GSG1L2: variants seen among roughly 807,000 people sequenced by gnomAD.
The protein encoded by GSG1L2 is GSG1 like 2.
GSG1L2 carries 15 observed loss-of-function variants against 9.0 expected under a neutral mutation model. The ratio of observed to expected loss-of-function variants is 1.67; its 90% confidence interval spans 1.12 to 2.57. The LOEUF (loss-of-function observed/expected upper bound fraction) is 2.57. GSG1L2 is among the 30% of genes most tolerant of loss of function. GSG1L2 has a pLI of 0.00. For synonymous variants in GSG1L2, 127 were observed against 57.9 expected, an observed-to-expected ratio of 2.19 and a Z score of -5.41; for missense variants, 286 against 150.3, an observed-to-expected ratio of 1.90 and a Z score of -4.72.
chr17:9,817,261 C>T (rs1214698970), intron 1 of GSG1L2, among the ~76,000 whole-genome samples: 1 of 152,180 alleles, frequency 6.6e-6, no homozygotes, highest in Admixed American at 6.5e-5. Context: ...ACACTTTCCT[C>T]AAGCCCAGCC....
intron 1 of GSG1L2, among the ~76,000 whole-genome samples, chr17:9,812,083 A>T (rs6503253): frequency 0.62 from 93,898 of 152,012 alleles, 29,394 homozygotes; most frequent in Middle Eastern, 0.76. Flanking sequence ...CACAGTTCAT[A>T]CGCATTTAAA....
chr17:9,808,615 TTCTA>T (rs1335657893), intron 3 of GSG1L2, among the ~76,000 whole-genome samples: 1 of 152,266 alleles, frequency 6.6e-6, no homozygotes, highest in Non-Finnish European at 1.5e-5. Flanking sequence ...AAATTTCACT[TTCTA>T]TCTGTGCCTA....
chr17:9,803,579 C>T (rs9303245), intron 4 of GSG1L2, among the ~76,000 whole-genome samples: 80,430 of 151,584 alleles, frequency 0.53, 21,842 homozygotes, highest in African/African-American at 0.65. Flanking sequence ...AAGAGAAGGG[C>T]TGTGTGGTGG....
At chr17:9,816,589 CGTGTCTGTGTGTCTGTGT>C (rs957200246) in intron 1 of GSG1L2, among the ~76,000 whole-genome samples, 9 of 68,984 alleles carry the variant, frequency 1.3e-4, no homozygotes, top group Non-Finnish European at 1.8e-4. Context: ...TGTGCACGTG[CGTGTCTGTGTGTCTGTGT>C]GTGTCTGTGT....
At position 9,801,669 on chromosome 17, in the gene GSG1L2, G is replaced by A. The variant is rs1220372179; in HGVS notation, c.*717C>T. Among the ~76,000 whole-genome samples the A allele has an allele frequency of 6.6e-6, 1 of 152,160 alleles. No homozygotes were observed. Among genetic ancestry groups the A allele is most frequent in the Non-Finnish European group, 1.5e-5 (1 of 68,038 alleles). On this transcript the variant is annotated 3_prime_UTR_variant, in exon 5 of 5. Transcript: ENST00000399363. ...TGCCTCCAACAAGACCTGCATGTTT[G>A]GTAATGTTTATTTTTAGAAGCAAAA...
chr17:9,809,080 G>T (rs1263673359), intron 2 of GSG1L2, 98 bp from the exon 3 acceptor site: 1 of 648,346 alleles, frequency 1.5e-6, no homozygotes, highest in African/African-American at 1.8e-5. Context: ...AACAAAACAT[G>T]AAAAACAGAC....
chr17:9,816,110 G>T (rs2066558383), intron 1 of GSG1L2, among the ~76,000 whole-genome samples: 1 of 152,158 alleles, frequency 6.6e-6, no homozygotes, highest in African/African-American at 2.4e-5. Context: ...CTCGACCGTG[G>T]ATTTCCCAGC....
At chr17:9,813,385 C>T (rs151326631) in intron 1 of GSG1L2, among the ~76,000 whole-genome samples, 1 of 152,182 alleles carries the variant, frequency 6.6e-6, no homozygotes, top group African/African-American at 2.4e-5. Context: ...ACATGACTGT[C>T]CATCTCAGAG....
chr17:9,806,179 T>A (rs747252815), intron 4 of GSG1L2, among the ~76,000 whole-genome samples: 18 of 152,190 alleles, frequency 1.2e-4, no homozygotes, highest in Non-Finnish European at 2.6e-4. Context: ...CCATTGCCAA[T>A]CACCTTTCCT....
chr17:9,818,919 GCT>G (rs1396662672), intron 1 of GSG1L2, among the ~76,000 whole-genome samples: 4 of 152,042 alleles, frequency 2.6e-5, no homozygotes, highest in African/African-American at 7.2e-5. Flanking sequence ...CTGGATCCTT[GCT>G]CTCAGCACTG....
At chr17:9,818,501 ATTTTTTT>A (rs377057350) in intron 1 of GSG1L2, among the ~76,000 whole-genome samples, 1,943 of 82,804 alleles carry the variant, frequency 0.023, 53 homozygotes, top group East Asian at 0.23. Context: ...ACACAGCTAA[ATTTTTTT>A]TTTTTTTTTT....
intron 1 of GSG1L2, among the ~76,000 whole-genome samples, chr17:9,814,225 C>T (rs566974058): frequency 1.3e-5 from 2 of 152,348 alleles, no homozygotes; most frequent in South Asian, 2.1e-4. Flanking sequence ...TGAGACACCG[C>T]GCCTGGCCTT....
At position 9,814,252 on chromosome 17, in the gene GSG1L2, T is replaced by C. The variant is rs139954093; in HGVS notation, c.311-3634A>G. ...CCTGGCCTTTCCACTGTTTTGAGTG[T>C]TGAGTTATTAATAAAGACAAGTACA... On this transcript the variant is annotated intron_variant, in intron 1 of 4. Coordinates refer to ENST00000399363, the MANE Select transcript of GSG1L2 (RefSeq NM_001310219.2). 5.3e-4 allele frequency among the ~76,000 whole-genome samples: 81 copies of C among 152,262 alleles called. 1 individual carries two copies. The highest frequency in any genetic ancestry group is 8.8e-4 in the Non-Finnish European group (60 of 68,008).
chr17:9,805,073 AT>A (rs1425816285), intron 4 of GSG1L2: 1 of 152,170 alleles, frequency 6.6e-6, no homozygotes, highest in Admixed American at 6.5e-5. Context: ...AGAAAATATA[AT>A]AAAAAGAGAA....
chr17:9,809,910 G>A (rs2066532880), intron 2 of GSG1L2: 1 of 152,466 alleles, frequency 6.6e-6, no homozygotes, highest in African/African-American at 2.4e-5. Flanking sequence ...GGAGAGTCCT[G>A]TCTGCAGGTA....
rs1449430398 is a variant in GSG1L2, at chr17:9,808,812, G to A, written c.511+18C>T. ...TCCCTCTGGGGCAGCCTGTTCCAAGGATGCTGTTGGAAAGTACCTGCCAGC... is the reference window on the plus strand; with the variant it reads ...TCCCTCTGGGGCAGCCTGTTCCAAGAATGCTGTTGGAAAGTACCTGCCAGC... On this transcript the variant is annotated intron_variant, in intron 3 of 4. Transcript: ENST00000399363. 2.8e-6 allele frequency: 2 copies of A among 702,544 alleles called. No individual in the cohort carries two copies. The highest frequency in any genetic ancestry group is 2.7e-5 in the East Asian group (1 of 37,268). 43.5% of individuals were successfully genotyped at this position (702,544 alleles called of 1,614,324 possible).
At chr17:9,809,708 A>G (rs556567358) in intron 2 of GSG1L2, 54 of 151,060 alleles carry the variant, frequency 3.6e-4, no homozygotes, top group African/African-American at 1.3e-3. Context: ...CCTCTTTAAG[A>G]CAGAAAAGTT....
intron 4 of GSG1L2, among the ~76,000 whole-genome samples, chr17:9,803,198 G>A (rs2066504255): frequency 6.7e-6 from 1 of 149,812 alleles, no homozygotes; most frequent in East Asian, 2.0e-4. Flanking sequence ...CTGCCTCCCG[G>A]TTCAAGCAAT....
intron 4 of GSG1L2, among the ~76,000 whole-genome samples, chr17:9,806,327 C>A (rs1346753170): frequency 6.6e-6 from 1 of 152,138 alleles, no homozygotes; most frequent in Non-Finnish European, 1.5e-5. Flanking sequence ...GTGAATAAAT[C>A]TTTTGTAAGA....
Sources: allele counts gnomAD v4.1 joint callset (sites outside exome capture counted in the v4.1 genomes callset), GRCh38; gene constraint gnomAD v4.1.1; transcripts MANE v1.5; gene names NCBI Gene and HGNC (gene_info 2026-07-23, HGNC 2026-07-21).